HTR1F: variants seen among roughly 807,000 people sequenced by gnomAD.
HTR1F encodes 5-hydroxytryptamine (serotonin) receptor 1F, G protein-coupled.
Under a neutral mutation model 24.0 loss-of-function variants are expected in HTR1F, and 17 were observed. The observed-to-expected ratio is 0.71, with a 90% CI of 0.48 to 1.06. The LOEUF (loss-of-function observed/expected upper bound fraction) is 1.06, where lower values mean the gene tolerates loss of function less well. Ranked by LOEUF, HTR1F falls within the 50% of genes least tolerant of loss-of-function variation. The pLI is 0.00. For missense variants in HTR1F, 391 were observed against 427.8 expected (o/e 0.91, Z 0.76); for synonymous variants, 186 against 156.8 (o/e 1.19, Z -1.39).
chr3:87,806,644 A>C (rs1282372562), intron 1 of HTR1F, among the ~76,000 whole-genome samples: 1 of 152,052 alleles, frequency 6.6e-6, no homozygotes, highest in African/African-American at 2.4e-5. Flanking sequence ...GCTGTGAAGA[A>C]GAGTTTTAGT....
At chr3:87,947,824 A>T (rs1415814263) in intron 2 of HTR1F, among the ~76,000 whole-genome samples, 1 of 152,166 alleles carries the variant, frequency 6.6e-6, no homozygotes, top group African/African-American at 2.4e-5. Context: ...ATTGATAAGC[A>T]GTTATTAAAT....
rs994929919 is a variant in HTR1F at position 87,947,898 on chromosome 3, A to C, written c.-42-42810A>C. On this transcript the variant is annotated intron_variant, in intron 2 of 2. Transcript: ENST00000319595. ...TCAAATCGAATAATGTTGATATGTC[A>C]CTTTAAATTTGTCTTAATAGTGCAA... is the stretch of plus-strand genomic sequence containing the variant. 3.3e-5 allele frequency among the ~76,000 whole-genome samples: 5 copies of C among 152,136 alleles called. 1 individual carries two copies.
chr3:87,864,694 A>G (rs1383601111), intron 2 of HTR1F, among the ~76,000 whole-genome samples: 16 of 152,010 alleles, frequency 1.1e-4, no homozygotes, highest in Non-Finnish European at 2.1e-4. Flanking sequence ...TCACGAGTTC[A>G]AGACCAGCCT....
intron 2 of HTR1F, among the ~76,000 whole-genome samples, chr3:87,849,144 T>G (rs1250903526): frequency 6.6e-6 from 1 of 151,628 alleles, no homozygotes; most frequent in Non-Finnish European, 1.5e-5. Context: ...GAGCCCGCAT[T>G]GCCAAGTCAA....
intron 2 of HTR1F, among the ~76,000 whole-genome samples, chr3:87,988,894 T>C (rs1705740801): frequency 6.6e-6 from 1 of 152,100 alleles, no homozygotes; most frequent in African/African-American, 2.4e-5. Flanking sequence ...TGTTTTATAA[T>C]ATACCTAACC....
intron 2 of HTR1F, among the ~76,000 whole-genome samples, chr3:87,824,548 G>GCACA (rs1704424628): frequency 1.3e-5 from 2 of 152,232 alleles, no homozygotes; most frequent in African/African-American, 4.8e-5. Context: ...ATAGTGGACT[G>GCACA]GAATAGTGCC....
intron 1 of HTR1F, among the ~76,000 whole-genome samples, chr3:87,816,340 C>G (rs1704250153): frequency 6.6e-6 from 1 of 151,974 alleles, no homozygotes; most frequent in African/African-American, 2.4e-5. Context: ...AGCATTCTTT[C>G]TGTGTTTTAT....
At chr3:87,945,964 G>A (rs1704690447) in intron 2 of HTR1F, among the ~76,000 whole-genome samples, 1 of 152,252 alleles carries the variant, frequency 6.6e-6, no homozygotes, top group Admixed American at 6.5e-5. Context: ...CTCTGATTTT[G>A]GGTTCTTGGC....
intron 2 of HTR1F, among the ~76,000 whole-genome samples, chr3:87,933,714 G>T (rs528139897): frequency 9.9e-5 from 15 of 152,074 alleles, no homozygotes; most frequent in African/African-American, 3.6e-4. Context: ...AGGATACAAA[G>T]AAATGGAAGA....
chr3:87,832,185 G>C (rs180960306), intron 2 of HTR1F, among the ~76,000 whole-genome samples: 37 of 152,152 alleles, frequency 2.4e-4, no homozygotes, highest in Non-Finnish European at 2.9e-4. Flanking sequence ...TGTCTTGAAA[G>C]TATTGTCAAA....
At chr3:87,813,452 T>C (rs1414368358) in intron 1 of HTR1F, among the ~76,000 whole-genome samples, 1 of 152,194 alleles carries the variant, frequency 6.6e-6, no homozygotes, top group Non-Finnish European at 1.5e-5. Flanking sequence ...ATTTTACAAG[T>C]TCATAGGTAG....
At chr3:87,903,675 T>C (rs1393542756) in intron 2 of HTR1F, among the ~76,000 whole-genome samples, 1 of 151,946 alleles carries the variant, frequency 6.6e-6, no homozygotes, top group Non-Finnish European at 1.5e-5. Flanking sequence ...ACACTGTTGG[T>C]GGGACTGTAA....
chr3:87,848,398 T>C (rs937438330), intron 2 of HTR1F, among the ~76,000 whole-genome samples: 1 of 151,844 alleles, frequency 6.6e-6, no homozygotes, highest in African/African-American at 2.4e-5. Flanking sequence ...TGGAATTCCT[T>C]GTACATTTTG....
At chr3:87,873,296 T>TAGTCCA (rs985020115) in intron 2 of HTR1F, among the ~76,000 whole-genome samples, 2 of 152,108 alleles carry the variant, frequency 1.3e-5, no homozygotes, top group Non-Finnish European at 2.9e-5. Flanking sequence ...GTGTAAGTCC[T>TAGTCCA]AGTCCAAGTC....
At chr3:87,847,927 C>T (rs566446658) in intron 2 of HTR1F, among the ~76,000 whole-genome samples, 3 of 151,926 alleles carry the variant, frequency 2.0e-5, no homozygotes, top group Non-Finnish European at 2.9e-5. Context: ...ATTTTAAATG[C>T]GTTTGTTCAC....
At chr3:87,820,871 G>A (rs1704346763) in intron 1 of HTR1F, among the ~76,000 whole-genome samples, 1 of 151,920 alleles carries the variant, frequency 6.6e-6, no homozygotes, top group Non-Finnish European at 1.5e-5. Context: ...TATTAACTCA[G>A]GTAAATCAAA....
At chr3:87,852,951 C>A (rs1401619935) in intron 2 of HTR1F, among the ~76,000 whole-genome samples, 1 of 148,070 alleles carries the variant, frequency 6.8e-6, no homozygotes, top group Admixed American at 6.7e-5. Context: ...CATGGTTTAA[C>A]TAACATTGTA....
chr3:87,937,368 C>T (rs1279102816), intron 2 of HTR1F, among the ~76,000 whole-genome samples: 9 of 152,178 alleles, frequency 5.9e-5, no homozygotes, highest in East Asian at 3.9e-4. Context: ...AAAAACAAAA[C>T]GACATGATTG....
chr3:87,817,270 C>A (rs1214843795), intron 1 of HTR1F, among the ~76,000 whole-genome samples: 1 of 152,062 alleles, frequency 6.6e-6, no homozygotes, highest in Non-Finnish European at 1.5e-5. Flanking sequence ...CATTTTAAAC[C>A]ATCTTAGTTG....
Sources: gnomAD v4.1 joint callset for allele counts (sites outside exome capture counted in the v4.1 genomes callset) on GRCh38, gnomAD v4.1.1 for gene constraint, MANE v1.5 for transcripts, NCBI Gene and HGNC (gene_info 2026-07-23, HGNC 2026-07-21) for gene names.